Variants in C3orf70 observed in about 807,000 individuals in gnomAD.
C3orf70 encodes the protein chromosome 3 open reading frame 70.
In C3orf70, 15 loss-of-function variants were observed where a neutral mutation model predicts 20.7. That is an observed-to-expected ratio of 0.72 (90% CI 0.48 to 1.11). The LOEUF (loss-of-function observed/expected upper bound fraction) is 1.11, where lower values mean the gene tolerates loss of function less well. C3orf70 is among the 50% of genes most tolerant of loss of function. The probability of loss-of-function intolerance (pLI) is 0.00; values close to 1 mark genes in which losing one functional copy is unlikely to be tolerated. For synonymous variants in C3orf70, 161 were observed against 125.7 expected (o/e 1.28, Z -1.88); for missense variants, 332 against 317.6 (o/e 1.05, Z -0.34).
At chr3:185,135,730 C>A (rs1577333028) in intron 1 of C3orf70, among the ~76,000 whole-genome samples, 2 of 150,940 alleles carry the variant, frequency 1.3e-5, no homozygotes, top group African/African-American at 4.8e-5. Flanking sequence ...ACAGTCTATG[C>A]ATGTAACAAA....
At chr3:185,151,075 C>T (rs1338552428) in intron 1 of C3orf70, among the ~76,000 whole-genome samples, 1 of 152,056 alleles carries the variant, frequency 6.6e-6, no homozygotes, top group Non-Finnish European at 1.5e-5. Flanking sequence ...AAAAAGGATT[C>T]AATTGTTCTA....
At chr3:185,125,384 AAAC>A (rs141336074) in intron 1 of C3orf70, among the ~76,000 whole-genome samples, 19,151 of 149,724 alleles carry the variant, frequency 0.13, 1,432 homozygotes, top group African/African-American at 0.2. Flanking sequence ...CCATCTCCAA[AAAC>A]AACAACAACA....
intron 1 of C3orf70, among the ~76,000 whole-genome samples, chr3:185,128,769 T>G (rs1478720183): frequency 6.6e-6 from 1 of 152,196 alleles, no homozygotes. Context: ...TCACTTTCAC[T>G]GTGAATTTCC....
At chr3:185,129,571 T>TGTGGGTC (rs1716487316) in intron 1 of C3orf70, among the ~76,000 whole-genome samples, 1 of 152,230 alleles carries the variant, frequency 6.6e-6, no homozygotes, top group Non-Finnish European at 1.5e-5. Flanking sequence ...TTTGGGTATA[T>TGTGGGTC]ACCCAATGGT....
At chr3:185,118,863 A>C (rs2108598327) in intron 1 of C3orf70, among the ~76,000 whole-genome samples, 1 of 152,292 alleles carries the variant, frequency 6.6e-6, no homozygotes, top group South Asian at 2.1e-4. Flanking sequence ...GATCTCAAGA[A>C]CCACTCTACC....
In C3orf70 at chr3:185,087,913, A is replaced by ATTT. The variant is rs10714484; in HGVS notation, c.197-4353_197-4351dup. 3.4e-3 allele frequency among the ~76,000 whole-genome samples: 457 copies of ATTT among 134,504 alleles called. 5 individuals are homozygous for ATTT. Among genetic ancestry groups the ATTT allele is most frequent in the African/African-American group, 0.012 (411 of 35,644 alleles). The allele number at this position is 134,504 out of a possible 152,430, so 88.2% of individuals were successfully genotyped here. On this transcript the variant is annotated intron_variant, in intron 1 of 1. Coordinates refer to ENST00000335012, the MANE Select transcript of C3orf70 (RefSeq NM_001025266.3). The stretch of plus-strand genomic sequence containing the variant: ...TATGTATTTTAAATTAGTTTTATAC[A>ATTT]TTTTTTTTTTTTTTTTGAGATGGAG...
intron 1 of C3orf70, among the ~76,000 whole-genome samples, chr3:185,127,276 A>G (rs1378709879): frequency 6.6e-6 from 1 of 152,234 alleles, no homozygotes; most frequent in Admixed American, 6.5e-5. Context: ...AATGAGATAA[A>G]TAAGGTGTTA....
At chr3:185,149,751 T>C (rs565817316) in intron 1 of C3orf70, among the ~76,000 whole-genome samples, 14 of 152,362 alleles carry the variant, frequency 9.2e-5, no homozygotes, top group African/African-American at 3.4e-4. Context: ...GTCAAGCTTT[T>C]AGTGAATGGG....
chr3:185,144,954 C>T (rs541805884), intron 1 of C3orf70, among the ~76,000 whole-genome samples: 2 of 152,308 alleles, frequency 1.3e-5, no homozygotes, highest in South Asian at 2.1e-4. Flanking sequence ...AGTGAAGCAA[C>T]AGGAGGTTTA....
At chr3:185,113,951 G>A (rs922620025) in intron 1 of C3orf70, among the ~76,000 whole-genome samples, 5 of 152,176 alleles carry the variant, frequency 3.3e-5, no homozygotes, top group South Asian at 2.1e-4. Context: ...TGTAAACCTA[G>A]CACTTTGGGA....
At chr3:185,124,827 G>GT (rs1716374831) in intron 1 of C3orf70, among the ~76,000 whole-genome samples, 1 of 151,924 alleles carries the variant, frequency 6.6e-6, no homozygotes, top group African/African-American at 2.4e-5. Context: ...AAATTAAAAA[G>GT]TTTTTTTAAA....
chr3:185,127,378 G>T (rs975373595), intron 1 of C3orf70, among the ~76,000 whole-genome samples: 1 of 152,106 alleles, frequency 6.6e-6, no homozygotes, highest in South Asian at 2.1e-4. Context: ...TCCCTGAGAA[G>T]ATATATGGTA....
intron 1 of C3orf70, among the ~76,000 whole-genome samples, chr3:185,103,501 G>GA (rs36069491): frequency 6.0e-5 from 9 of 149,742 alleles, no homozygotes; most frequent in East Asian, 2.0e-4. Flanking sequence ...AAATTTACAA[G>GA]AAAAAAAAAA....
intron 1 of C3orf70, among the ~76,000 whole-genome samples, chr3:185,129,283 T>G (rs1025750228): frequency 6.6e-6 from 1 of 152,182 alleles, no homozygotes; most frequent in Non-Finnish European, 1.5e-5. Flanking sequence ...TGTCCATGTG[T>G]TTGCATTGTT....
intron 1 of C3orf70, among the ~76,000 whole-genome samples, chr3:185,126,731 G>C (rs1423522364): frequency 6.6e-6 from 1 of 152,154 alleles, no homozygotes; most frequent in Non-Finnish European, 1.5e-5. Flanking sequence ...CTGGGTCCTA[G>C]TGCAAAACGA....
chr3:185,088,379 T>C (rs1482065954), intron 1 of C3orf70, among the ~76,000 whole-genome samples: 3 of 152,210 alleles, frequency 2.0e-5, no homozygotes, highest in South Asian at 2.1e-4. Flanking sequence ...TTTACAGTGA[T>C]GGAAATGTTC....
intron 1 of C3orf70, among the ~76,000 whole-genome samples, chr3:185,123,386 C>T (rs1716346708): frequency 6.6e-6 from 1 of 151,970 alleles, no homozygotes; most frequent in African/African-American, 2.4e-5. Context: ...TGATATATCT[C>T]ATCAAAACAC....
At chr3:185,083,588 G>A in intron 1 of C3orf70, 25 bp from the exon 2 acceptor site, 1 of 1,534,960 alleles carries the variant, frequency 6.5e-7, no homozygotes. Context: ...AAAGACACTT[G>A]AAATCTATAT....
intron 1 of C3orf70, among the ~76,000 whole-genome samples, chr3:185,097,241 A>G (rs1343895629): frequency 1.3e-5 from 2 of 152,202 alleles, no homozygotes; most frequent in Non-Finnish European, 2.9e-5. Flanking sequence ...TAAGATAATA[A>G]ATGTCATATA....
Sources: gnomAD v4.1 joint callset for allele counts (sites outside exome capture counted in the v4.1 genomes callset) on GRCh38, gnomAD v4.1.1 for gene constraint, MANE v1.5 for transcripts, NCBI Gene and HGNC (gene_info 2026-07-23, HGNC 2026-07-21) for gene names.